CDH18: variants seen among roughly 807,000 people sequenced by gnomAD.
CDH18 encodes the protein cadherin 18.
A neutral mutation model predicts 67.9 loss-of-function variants in CDH18; 31 were observed. That is an observed-to-expected ratio of 0.46 (90% CI 0.34 to 0.62). CDH18 has a LOEUF of 0.62. Ranked by LOEUF, CDH18 falls within the 20% of genes least tolerant of loss-of-function variation. The pLI is 0.01. For missense variants in CDH18, 890 were observed against 975.5 expected (o/e 0.91, Z 1.17); for synonymous variants, 362 against 347.2 (o/e 1.04, Z -0.48).
intron 1 of CDH18, among the ~76,000 whole-genome samples, chr5:20,441,919 T>A (rs1332832639): frequency 7.0e-6 from 1 of 142,314 alleles, no homozygotes; most frequent in African/African-American, 2.6e-5. Flanking sequence ...AAATAATGTC[T>A]TATGTGCAAT....
At chr5:20,465,838 C>T (rs375762462) in intron 1 of CDH18, among the ~76,000 whole-genome samples, 1 of 151,890 alleles carries the variant, frequency 6.6e-6, no homozygotes, top group African/African-American at 2.4e-5. Context: ...GTCATCGCAA[C>T]GCTCTGTAAG....
chr5:20,566,024 C>T (rs1758483637), intron 1 of CDH18, among the ~76,000 whole-genome samples: 1 of 151,996 alleles, frequency 6.6e-6, no homozygotes, highest in South Asian at 2.1e-4. Flanking sequence ...CAAAATCTTG[C>T]AAATATTTTG....
At chr5:19,668,071 G>A (rs370220329) in intron 5 of CDH18, among the ~76,000 whole-genome samples, 52 of 152,068 alleles carry the variant, frequency 3.4e-4, no homozygotes, top group Middle Eastern at 3.4e-3. Flanking sequence ...ACATATTTAC[G>A]TGGGATAATG....
chr5:20,275,371 C>T (rs1400179879), intron 1 of CDH18, among the ~76,000 whole-genome samples: 1 of 152,074 alleles, frequency 6.6e-6, no homozygotes, highest in Non-Finnish European at 1.5e-5. Context: ...ATTGCTTTCC[C>T]TTCATCTTCT....
chr5:19,936,130 A>G (rs1422304713), intron 2 of CDH18, among the ~76,000 whole-genome samples: 2 of 151,236 alleles, frequency 1.3e-5, no homozygotes, highest in African/African-American at 4.8e-5. Flanking sequence ...GTAACACTGA[A>G]AGTTGCCTGT....
In CDH18 at chr5:20,522,100, G is replaced by T. The variant is rs112174685; in HGVS notation, c.-580+53362C>A. ...AAAAGAGAAAATTTGGCCATACAGAGAAAGACGTCAGAAACAAATACCCAC... is the reference window on the plus strand; with the variant it reads ...AAAAGAGAAAATTTGGCCATACAGATAAAGACGTCAGAAACAAATACCCAC... On this transcript the variant is annotated intron_variant, in intron 1 of 14. Coordinates refer to the CDH18 transcript ENST00000507958. Among the ~76,000 whole-genome samples, 1,520 of 152,224 alleles carry T rather than the reference G, an allele frequency of 1.0e-2. 27 individuals are homozygous for T. The highest frequency in any genetic ancestry group is 0.035 in the African/African-American group (1,440 of 41,550).
chr5:19,914,848 C>G (rs767901831), intron 2 of CDH18, among the ~76,000 whole-genome samples: 37 of 151,720 alleles, frequency 2.4e-4, no homozygotes, highest in Non-Finnish European at 4.6e-4. Context: ...TGCACAAATA[C>G]AAAAAAAATT....
chr5:20,290,887 T>C (rs1345087646), intron 1 of CDH18, among the ~76,000 whole-genome samples: 1 of 152,094 alleles, frequency 6.6e-6, no homozygotes, highest in Non-Finnish European at 1.5e-5. Context: ...TGGGAGTCAT[T>C]GAGAACTTAG....
chr5:20,197,419 C>T (rs1739067428), intron 2 of CDH18, among the ~76,000 whole-genome samples: 1 of 152,170 alleles, frequency 6.6e-6, no homozygotes, highest in African/African-American at 2.4e-5. Flanking sequence ...AATTATCTTT[C>T]TAAATATAAA....
chr5:20,334,131 CTTTTTTTTTTT>C (rs34609844), intron 1 of CDH18, among the ~76,000 whole-genome samples: 2 of 81,654 alleles, frequency 2.4e-5, no homozygotes, highest in African/African-American at 1.0e-4. Context: ...GACTTGAATT[CTTTTTTTTTTT>C]TTTTTTTTTT....
In CDH18 at chr5:20,119,796, C is replaced by T. The variant is rs111440908; in HGVS notation, c.-517-127782G>A. 2.4e-3 allele frequency among the ~76,000 whole-genome samples: 370 copies of T among 151,948 alleles called. 1 individual carries two copies. Among genetic ancestry groups the T allele is most frequent in the African/African-American group, 7.8e-3 (322 of 41,454 alleles). ...AAAATGGAGTTATTTATTGTAATTA[C>T]GCATGGGAAAAACATCTAGTGAGAT... On this transcript the variant is annotated intron_variant, in intron 2 of 14. Transcript: ENST00000507958.
chr5:20,095,600 A>AAAGAAAG (rs1745922643), intron 2 of CDH18, among the ~76,000 whole-genome samples: 2 of 140,840 alleles, frequency 1.4e-5, no homozygotes, highest in Non-Finnish European at 1.5e-5. Context: ...AAGAAAGAAG[A>AAAGAAAG]AAGAAAGAAA....
intron 2 of CDH18, among the ~76,000 whole-genome samples, chr5:19,966,087 C>T (rs1036556438): frequency 6.6e-6 from 1 of 152,052 alleles, no homozygotes; most frequent in Non-Finnish European, 1.5e-5. Context: ...ACTATACACA[C>T]TACTTTGATT....
intron 2 of CDH18, among the ~76,000 whole-genome samples, chr5:20,164,067 A>T (rs1019328779): frequency 6.6e-6 from 1 of 152,234 alleles, no homozygotes; most frequent in African/African-American, 2.4e-5. Context: ...TTTATGGATG[A>T]TTTAACAAGT....
At chr5:19,663,619 A>G (rs1757494381) in intron 5 of CDH18, among the ~76,000 whole-genome samples, 1 of 151,986 alleles carries the variant, frequency 6.6e-6, no homozygotes. Flanking sequence ...TCCTGGGTTC[A>G]GTAAGGAAAA....
Position 20,483,167 on chromosome 5 carries a change from A to G in CDH18, c.-580+92295T>C, listed in dbSNP as rs192188244. ...AAATCTATAAAGTAACCCCATTAAC[A>G]ATAGTTACAAATAAGATAAAATACC... On this transcript the variant is annotated intron_variant, in intron 1 of 14. Coordinates refer to the CDH18 transcript ENST00000507958. Among the ~76,000 whole-genome samples the G allele has an allele frequency of 2.4e-4, 37 of 152,188 alleles. No individual in the cohort carries two copies. In the East Asian group the frequency reaches 6.9e-3, roughly 29 times the overall value.
chr5:20,546,884 A>G (rs1253043484), intron 1 of CDH18, among the ~76,000 whole-genome samples: 1 of 152,152 alleles, frequency 6.6e-6, no homozygotes, highest in African/African-American at 2.4e-5. Flanking sequence ...CAAATACAAT[A>G]TTTTGCTATT....
intron 1 of CDH18, among the ~76,000 whole-genome samples, chr5:20,466,716 T>G (rs1751657671): frequency 2.0e-5 from 3 of 152,184 alleles, no homozygotes; most frequent in South Asian, 2.1e-4. Context: ...TTAATATAAT[T>G]TTTTCCTTGA....
At position 20,491,195 on chromosome 5, in the gene CDH18, TTTA is replaced by T. The variant is rs56678208; in HGVS notation, c.-580+84264_-580+84266del. Among the ~76,000 whole-genome samples, 1,007 of 149,892 alleles carry T rather than the reference TTTA, an allele frequency of 6.7e-3. 8 individuals are homozygous for T. The highest frequency in any genetic ancestry group is 8.3e-3 in the Non-Finnish European group (564 of 67,548). ...TATGATGTTTAGGTATAGTATTTGG[TTTA>T]TTATTATTATTATTATTATTATTAA... On this transcript the variant is annotated intron_variant, in intron 1 of 14. Transcript: ENST00000507958.
Sources: allele counts gnomAD v4.1 joint callset (sites outside exome capture counted in the v4.1 genomes callset), GRCh38; gene constraint gnomAD v4.1.1; transcripts MANE v1.5; gene names NCBI Gene and HGNC (gene_info 2026-07-23, HGNC 2026-07-21).